Variants in CEMIP observed in about 807,000 individuals in gnomAD.
CEMIP encodes the protein cell migration inducing hyaluronidase 1, also known as cell migration-inducing and hyaluronan-binding protein.
In CEMIP, 105 loss-of-function variants were observed where a neutral mutation model predicts 156.9. The ratio of observed to expected loss-of-function variants is 0.67; its 90% CI spans 0.57 to 0.79. The LOEUF is 0.79. Among genes scored for constraint, CEMIP ranks in the 30% least tolerant of loss-of-function variants. CEMIP has a pLI of 0.00. For synonymous variants in CEMIP, 676 were observed against 668.4 expected (o/e 1.01, Z -0.17); for missense variants, 1,457 against 1,769.4 (o/e 0.82, Z 3.17).
chr15:80,831,997 T>G (rs1265216877), intron 1 of CEMIP, among the ~76,000 whole-genome samples: 2 of 152,228 alleles, frequency 1.3e-5, no homozygotes, highest in African/African-American at 4.8e-5. Flanking sequence ...GTTGCAAACA[T>G]TTCCCATCTT....
Position 80,800,168 on chromosome 15 carries a change from C to T in CEMIP, c.-176+20554C>T, listed in dbSNP as rs1746954254. 3.3e-5 allele frequency among the ~76,000 whole-genome samples: 5 copies of T among 152,052 alleles called. No individual in the cohort carries two copies. In the South Asian group the frequency reaches 1.0e-3, roughly 32 times the overall value. ...GCTGGGTTACAGGCATGAGTCACTG[C>T]ACCTGGCTGGAAATTTGTTAATAGC... On this transcript the variant is annotated intron_variant, in intron 1 of 29. Coordinates refer to ENST00000394685, the MANE Select transcript of CEMIP (RefSeq NM_001293298.2).
intron 6 of CEMIP, among the ~76,000 whole-genome samples, chr15:80,882,658 C>A (rs1898701020): frequency 1.3e-5 from 2 of 152,112 alleles, no homozygotes; most frequent in Admixed American, 1.3e-4. Flanking sequence ...AGAATGTCTG[C>A]TTGTTCCGAA....
At chr15:80,848,298 G>A (rs1897613457) in intron 1 of CEMIP, among the ~76,000 whole-genome samples, 2 of 152,102 alleles carry the variant, frequency 1.3e-5, no homozygotes, top group African/African-American at 2.4e-5. Flanking sequence ...AGCCACTCAC[G>A]CTCCACAGTT....
At chr15:80,946,014 G>A (rs1232365001) in intron 28 of CEMIP, among the ~76,000 whole-genome samples, 1 of 152,224 alleles carries the variant, frequency 6.6e-6, no homozygotes, top group Non-Finnish European at 1.5e-5. Context: ...GGTCCTCTGA[G>A]ATACTTGGTA....
In CEMIP at chr15:80,944,069, G is replaced by C. The variant is rs149264999; in HGVS notation, c.3857+967G>C. 7.3e-3 allele frequency among the ~76,000 whole-genome samples: 1,105 copies of C among 152,272 alleles called. 16 individuals carry two copies. The highest frequency in any genetic ancestry group is 0.025 in the African/African-American group (1,057 of 41,538). The stretch of plus-strand genomic sequence containing the variant: ...CCGAGGTGGGTGGATCATGAGGTCA[G>C]GAGTTTGACATCAGCCTGGCCAATA... On this transcript the variant is annotated intron_variant, in intron 28 of 29. Coordinates refer to ENST00000394685, the MANE Select transcript of CEMIP (RefSeq NM_001293298.2).
At position 80,847,988 on chromosome 15, in the gene CEMIP, G is replaced by A. The variant is rs1897604844; in HGVS notation, c.-175-25550G>A. Among the ~76,000 whole-genome samples the A allele has an allele frequency of 3.9e-5, 6 of 152,224 alleles. No homozygotes were observed. The South Asian group carries it at 1.2e-3, about 32-fold the overall frequency. ...CAGCATGTGCATCTCCTCCTCAAAT[G>A]CCTTCTGCAGGGACAAAGAGGACTT... is the stretch of plus-strand genomic sequence containing the variant. On this transcript the variant is annotated intron_variant, in intron 1 of 29. Transcript: ENST00000394685.
intron 28 of CEMIP, 129 bp from the exon 29 acceptor site, chr15:80,946,836 C>G: frequency 4.2e-6 from 3 of 716,614 alleles, no homozygotes; most frequent in South Asian, 3.0e-5. Context: ...TGCCCTTTCC[C>G]GAATCCCTGG....
chr15:80,878,959 G>A (rs911556838), intron 4 of CEMIP, 92 bp downstream of exon 4: 1 of 1,470,812 alleles, frequency 6.8e-7, no homozygotes, highest in East Asian at 2.3e-5. Context: ...CAGATGGACA[G>A]AATAAACATC....
intron 1 of CEMIP, among the ~76,000 whole-genome samples, chr15:80,828,812 T>A (rs943907469): frequency 1.3e-5 from 2 of 152,296 alleles, no homozygotes; most frequent in Middle Eastern, 6.8e-3. Flanking sequence ...TTGGAACAGG[T>A]CTCCACTGGA....
intron 1 of CEMIP, among the ~76,000 whole-genome samples, chr15:80,829,031 A>G (rs994923923): frequency 1.3e-5 from 2 of 152,202 alleles, no homozygotes; most frequent in African/African-American, 2.4e-5. Flanking sequence ...CTAGGAGCTC[A>G]TGCTGGGGAC....
chr15:80,888,571 T>G, intron 8 of CEMIP, 130 bp from the exon 9 acceptor site: 1 of 706,724 alleles, frequency 1.4e-6, no homozygotes, highest in Non-Finnish European at 2.5e-6. Context: ...TTTCTTTTAT[T>G]TACTTAAAAA....
intron 1 of CEMIP, among the ~76,000 whole-genome samples, chr15:80,856,687 A>G (rs1897860067): frequency 6.6e-6 from 1 of 152,176 alleles, no homozygotes; most frequent in South Asian, 2.1e-4. Flanking sequence ...GGTAAGCACT[A>G]AAATATGCAT....
At chr15:80,811,232 G>A (rs1385470421) in intron 1 of CEMIP, among the ~76,000 whole-genome samples, 1 of 152,124 alleles carries the variant, frequency 6.6e-6, no homozygotes, top group Non-Finnish European at 1.5e-5. Flanking sequence ...GGTGAAAAAA[G>A]GTATATAAAC....
At chr15:80,910,747 A>C (rs191713196) in intron 14 of CEMIP, among the ~76,000 whole-genome samples, 55 of 152,302 alleles carry the variant, frequency 3.6e-4, no homozygotes, top group Non-Finnish European at 7.2e-4. Flanking sequence ...TGGAGAAACA[A>C]CACCAAACAC....
intron 1 of CEMIP, among the ~76,000 whole-genome samples, chr15:80,848,945 C>A (rs2141729354): frequency 1.7e-5 from 2 of 116,420 alleles, no homozygotes; most frequent in Admixed American, 9.2e-5. Context: ...TCAGGGATCT[C>A]TTTAGAAATT....
intron 1 of CEMIP, among the ~76,000 whole-genome samples, chr15:80,868,187 G>A (rs1005071834): frequency 6.6e-6 from 1 of 152,148 alleles, no homozygotes; most frequent in African/African-American, 2.4e-5. Flanking sequence ...AAACATAGAA[G>A]CTTCTCTGAC....
chr15:80,817,184 G>T (rs1433181780), intron 1 of CEMIP, among the ~76,000 whole-genome samples: 1 of 152,174 alleles, frequency 6.6e-6, no homozygotes, highest in Non-Finnish European at 1.5e-5. Flanking sequence ...GCGGAAGGCT[G>T]TGGGACAGGC....
intron 1 of CEMIP, among the ~76,000 whole-genome samples, chr15:80,838,348 A>G (rs1250056080): frequency 6.6e-6 from 1 of 151,848 alleles, no homozygotes; most frequent in African/African-American, 2.4e-5. Context: ...CTGCCTCCAG[A>G]ACTGTGGCGA....
At chr15:80,881,255 GA>G in intron 6 of CEMIP, 119 bp downstream of exon 6, 1 of 893,404 alleles carries the variant, frequency 1.1e-6, no homozygotes, top group South Asian at 1.3e-5. Context: ...AAACAGATGG[GA>G]ATCCCTGCCT....
Sources: allele counts gnomAD v4.1 joint callset (sites outside exome capture counted in the v4.1 genomes callset), GRCh38; gene constraint gnomAD v4.1.1; transcripts MANE v1.5; gene names NCBI Gene and HGNC (gene_info 2026-07-23, HGNC 2026-07-21).